DYM: variants seen among roughly 807,000 people sequenced by gnomAD.
DYM encodes dymeclin, also known as dyggve-Melchior-Clausen syndrome protein.
Under a neutral mutation model 93.1 loss-of-function variants are expected in DYM, and 78 were observed. The observed-to-expected ratio is 0.84, with a 90% confidence interval of 0.70 to 1.01. The LOEUF is 1.01. DYM is among the 50% of genes least tolerant of loss of function. The pLI, the probability that DYM is intolerant of heterozygous loss-of-function variation, is 0.00. For missense variants in DYM, 789 were observed against 845.0 expected (o/e 0.93, Z 0.82); for synonymous variants, 321 against 319.7 (o/e 1.00, Z -0.04).
In DYM at chr18:49,197,346, A is replaced by T. The variant is rs577674282; in HGVS notation, c.1625+12205T>A. 5.4e-4 allele frequency among the ~76,000 whole-genome samples: 82 copies of T among 152,004 alleles called. 2 individuals carry two copies. The South Asian group carries it at 0.01, about 19-fold the overall frequency. ...TCTAATGTTTAAAACCAAAAAGCATAAAAAAAATGGCAAAAGGGGGGGAAG... is the reference window on the plus strand; with the variant it reads ...TCTAATGTTTAAAACCAAAAAGCATTAAAAAAATGGCAAAAGGGGGGGAAG... On this transcript the variant is annotated intron_variant, in intron 14 of 17. Coordinates refer to ENST00000675505, the MANE Select transcript of DYM (RefSeq NM_001353214.3).
chr18:49,106,801 G>C (rs1054405629), intron 16 of DYM, among the ~76,000 whole-genome samples: 2 of 152,188 alleles, frequency 1.3e-5, no homozygotes, highest in African/African-American at 4.8e-5. Context: ...GCTTCCCTTT[G>C]TGGGTAACCC....
chr18:49,054,522 C>T (rs188153550), intron 17 of DYM, among the ~76,000 whole-genome samples: 4 of 152,258 alleles, frequency 2.6e-5, no homozygotes, highest in Admixed American at 2.6e-4. Flanking sequence ...GAATTACAGG[C>T]GTGAGCCACT....
intron 17 of DYM, among the ~76,000 whole-genome samples, chr18:49,054,694 G>A (rs974190134): frequency 2.0e-5 from 3 of 152,268 alleles, no homozygotes; most frequent in South Asian, 2.1e-4. Flanking sequence ...CATGGCTGGC[G>A]ACACAGAGGG....
chr18:49,450,191 T>C (rs1165783449), intron 1 of DYM, among the ~76,000 whole-genome samples: 1 of 152,184 alleles, frequency 6.6e-6, no homozygotes, highest in Non-Finnish European at 1.5e-5. Flanking sequence ...TATGGTCTTT[T>C]CCTAAATTGA....
In DYM at chr18:49,372,873, G is replaced by C. The variant is rs931561173; in HGVS notation, c.421+5694C>G. Among the ~76,000 whole-genome samples the C allele has an allele frequency of 2.1e-4, 32 of 152,182 alleles. No homozygotes were observed. The East Asian group carries it at 2.3e-3, about 11-fold the overall frequency. The stretch of plus-strand genomic sequence containing the variant: ...CTGTCAGTATGCAGACAGAATCACA[G>C]AGATTACCACAGAGATGGCTCTTTC... On this transcript the variant is annotated intron_variant, in intron 5 of 17. Coordinates refer to ENST00000675505, the MANE Select transcript of DYM (RefSeq NM_001353214.3).
chr18:49,106,954 C>G (rs1472454055), intron 16 of DYM, among the ~76,000 whole-genome samples: 2 of 152,140 alleles, frequency 1.3e-5, no homozygotes, highest in Non-Finnish European at 2.9e-5. Flanking sequence ...TGTTGGCCTG[C>G]CTTGCTAGAT....
rs372511894 is a variant in DYM at position 49,237,695 on chromosome 18, A to T, written c.1460+19315T>A. Among the ~76,000 whole-genome samples, 10 of 152,246 alleles carry T rather than the reference A, an allele frequency of 6.6e-5. No individual in the cohort carries two copies. In the East Asian group the frequency reaches 1.7e-3, roughly 26 times the overall value. ...CATGGTAAGAGATGAGAGGAAAAAC[A>T]TACACAGTGAAAAGGCTAGCTCTCC... On this transcript the variant is annotated intron_variant, in intron 13 of 17. Transcript: ENST00000675505.
intron 8 of DYM, among the ~76,000 whole-genome samples, chr18:49,302,539 G>T (rs376193312): frequency 6.6e-6 from 1 of 152,032 alleles, no homozygotes; most frequent in East Asian, 1.9e-4. Context: ...GCTTTAAAAG[G>T]TTATATTGAT....
At chr18:49,368,853 CAG>C (rs961848480) in intron 5 of DYM, 1 of 151,004 alleles carries the variant, frequency 6.6e-6, no homozygotes. Context: ...TTGTGTTAGA[CAG>C]GGGGTAATTA....
chr18:49,192,093 T>C (rs2091026768), intron 14 of DYM, among the ~76,000 whole-genome samples: 1 of 132,376 alleles, frequency 7.6e-6, no homozygotes, highest in Admixed American at 8.5e-5. Context: ...CATGCCTGGC[T>C]AATTTTTTTT....
At position 49,118,735 on chromosome 18, in the gene DYM, T is replaced by C. The variant is rs147083343; in HGVS notation, c.1911+9A>G. On this transcript the variant is annotated intron_variant, in intron 16 of 17. Coordinates refer to ENST00000675505, the MANE Select transcript of DYM (RefSeq NM_001353214.3). ...AAGAATCATAATAAATGTCTTCATT[T>C]ACACTCACCAGATCAATATTTTGCA... is the stretch of plus-strand genomic sequence containing the variant. 6.8e-6 allele frequency: 11 copies of C among 1,610,580 alleles called. No homozygotes were observed. Among genetic ancestry groups the C allele is most frequent in the African/African-American group, 5.3e-5 (4 of 75,010 alleles).
Sources: allele counts gnomAD v4.1 joint callset (sites outside exome capture counted in the v4.1 genomes callset), GRCh38; gene constraint gnomAD v4.1.1; transcripts MANE v1.5; gene names NCBI Gene and HGNC (gene_info 2026-07-23, HGNC 2026-07-21).